The following CLMP variants were observed in gnomAD, a reference collection of about 807,000 sequenced individuals.
The protein encoded by CLMP is CXADR like cell adhesion molecule, also known as CXADR-like membrane protein.
A neutral mutation model predicts 45.2 loss-of-function variants in CLMP; 27 were observed. That is an observed-to-expected ratio of 0.60 (90% CI 0.44 to 0.82). The LOEUF is 0.82. CLMP is among the 40% of genes least tolerant of loss of function. The probability of loss-of-function intolerance (pLI) is 0.00; values close to 1 mark genes in which losing one functional copy is unlikely to be tolerated. For missense variants in CLMP, 403 were observed against 448.4 expected (o/e 0.90, Z 0.91); for synonymous variants, 167 against 171.4 (o/e 0.97, Z 0.20).
intron 5 of CLMP, among the ~76,000 whole-genome samples, chr11:123,075,161 T>A (rs1049284396): frequency 6.6e-6 from 1 of 151,310 alleles, no homozygotes; most frequent in Non-Finnish European, 1.5e-5. Flanking sequence ...TCTATGTTGG[T>A]CAGGCTGGTC....
chr11:123,190,103 G>C (rs1344673301), intron 1 of CLMP, among the ~76,000 whole-genome samples: 1 of 151,956 alleles, frequency 6.6e-6, no homozygotes, highest in Non-Finnish European at 1.5e-5. Flanking sequence ...GCTTGAGGCT[G>C]TTCTGTAGGT....
intron 1 of CLMP, among the ~76,000 whole-genome samples, chr11:123,131,745 A>G (rs1296454865): frequency 6.6e-6 from 1 of 151,866 alleles, no homozygotes; most frequent in Non-Finnish European, 1.5e-5. Context: ...CCTCCCGAGT[A>G]GCTGGGATTA....
At chr11:123,082,860 C>CAG (rs1865821953) in intron 5 of CLMP, among the ~76,000 whole-genome samples, 2 of 151,524 alleles carry the variant, frequency 1.3e-5, no homozygotes, top group East Asian at 3.9e-4. Context: ...GCCCACCTGG[C>CAG]CCTCCCAAAG....
At chr11:123,170,653 C>T (rs950510545) in intron 1 of CLMP, among the ~76,000 whole-genome samples, 5 of 152,118 alleles carry the variant, frequency 3.3e-5, no homozygotes, top group African/African-American at 1.2e-4. Flanking sequence ...GTTGGCCAAG[C>T]TGGTCTCGAA....
At chr11:123,182,467 G>C (rs1380006555) in intron 1 of CLMP, among the ~76,000 whole-genome samples, 3 of 152,176 alleles carry the variant, frequency 2.0e-5, no homozygotes, top group Non-Finnish European at 2.9e-5. Flanking sequence ...GTGAAAATGA[G>C]ACCTAGATTC....
chr11:123,134,976 T>C (rs1861049534), intron 1 of CLMP, among the ~76,000 whole-genome samples: 3 of 151,760 alleles, frequency 2.0e-5, no homozygotes, highest in South Asian at 4.2e-4. Flanking sequence ...AACAACAAAA[T>C]AGGCCAGGTG....
chr11:123,074,560 G>A, intron 6 of CLMP, 142 bp downstream of exon 6: 1 of 807,206 alleles, frequency 1.2e-6, no homozygotes, highest in East Asian at 2.4e-5. Flanking sequence ...TCTGTCCCTA[G>A]GCTGGAACTT....
chr11:123,093,198 G>A (rs888819316), intron 2 of CLMP, among the ~76,000 whole-genome samples: 5 of 151,994 alleles, frequency 3.3e-5, no homozygotes, highest in Middle Eastern at 3.2e-3. Flanking sequence ...GAACCACCAC[G>A]CCCGGCCATC....
intron 2 of CLMP, among the ~76,000 whole-genome samples, chr11:123,089,782 AAAAAAAAAAAAG>A (rs1341604894): frequency 3.7e-5 from 5 of 135,792 alleles, no homozygotes; most frequent in Admixed American, 1.5e-4. Flanking sequence ...ATCTCAAAAA[AAAAAAAAAAAAG>A]AAAAAGAAAA....
intron 1 of CLMP, among the ~76,000 whole-genome samples, chr11:123,172,435 G>A (rs1861648130): frequency 1.2e-5 from 1 of 84,426 alleles, no homozygotes; most frequent in African/African-American, 6.8e-5. Flanking sequence ...CTTATTTTGA[G>A]ATGTTAATTT....
In CLMP at chr11:123,171,729, C is replaced by T. The variant is rs527820042; in HGVS notation, c.28+23184G>A. Among the ~76,000 whole-genome samples, 5 of 152,210 alleles carry T rather than the reference C, an allele frequency of 3.3e-5. No individual in the cohort carries two copies. In the East Asian group the frequency reaches 7.7e-4, roughly 24 times the overall value. ...AAAGTGCTGGGATTGCAGGCATGAG[C>T]CACCGCGCTCGGCCTGTTGGAAGAC... On this transcript the variant is annotated intron_variant, in intron 1 of 6. Transcript: ENST00000448775.
At chr11:123,158,931 A>G (rs1861449920) in intron 1 of CLMP, among the ~76,000 whole-genome samples, 2 of 152,366 alleles carry the variant, frequency 1.3e-5, no homozygotes, top group South Asian at 4.1e-4. Flanking sequence ...AGTGAATATT[A>G]TCTATGACCA....
chr11:123,096,615 T>G (rs1865992695), intron 2 of CLMP, among the ~76,000 whole-genome samples: 1 of 152,160 alleles, frequency 6.6e-6, no homozygotes, highest in Non-Finnish European at 1.5e-5. Flanking sequence ...TGTTGCTGTA[T>G]GAGAACAAAA....
At chr11:123,164,936 T>C (rs1476190029) in intron 1 of CLMP, among the ~76,000 whole-genome samples, 3 of 152,198 alleles carry the variant, frequency 2.0e-5, no homozygotes, top group Non-Finnish European at 4.4e-5. Flanking sequence ...TATAACATAA[T>C]CAAGTATATT....
At position 123,194,998 on chromosome 11, in the gene CLMP, CG is replaced by C; in HGVS notation, c.-59del. On this transcript the variant is annotated 5_prime_UTR_variant, in exon 1 of 7. It removes the in-frame stop codon of an upstream open reading frame in the 5' UTR. Transcript: ENST00000448775. Reference sequence around the variant, plus strand: ...AGCTGCTGCTTGGCTCCGGGGCGGCCGGGCGCCTCCGACGGACCTCGGGCGA... The same window carrying C: ...AGCTGCTGCTTGGCTCCGGGGCGGCCGGCGCCTCCGACGGACCTCGGGCGA... The C allele has an allele frequency of 6.4e-7, 1 of 1,569,648 alleles. No homozygotes were observed. The highest frequency in any genetic ancestry group is 8.6e-7 in the Non-Finnish European group (1 of 1,156,392).
intron 2 of CLMP, among the ~76,000 whole-genome samples, chr11:123,096,428 G>A (rs1211063320): frequency 6.6e-6 from 1 of 152,172 alleles, no homozygotes; most frequent in Non-Finnish European, 1.5e-5. Flanking sequence ...AGAGGCTGAA[G>A]CGGGAGAATC....
intron 1 of CLMP, among the ~76,000 whole-genome samples, chr11:123,124,087 T>C (rs1251457454): frequency 4.6e-5 from 7 of 152,226 alleles, no homozygotes; most frequent in South Asian, 2.1e-4. Flanking sequence ...GTAAATATTA[T>C]TGGAATTGGC....
At chr11:123,091,275 T>A (rs1374714283) in intron 2 of CLMP, among the ~76,000 whole-genome samples, 1 of 152,122 alleles carries the variant, frequency 6.6e-6, no homozygotes, top group East Asian at 1.9e-4. Flanking sequence ...CAGCTAATTT[T>A]TGTAGTTTTA....
chr11:123,085,539 A>C (rs1865854603), intron 2 of CLMP, among the ~76,000 whole-genome samples: 1 of 144,166 alleles, frequency 6.9e-6, no homozygotes, highest in African/African-American at 2.6e-5. Flanking sequence ...ATGAGCCACC[A>C]CGCCTGGCCT....
Sources: allele counts gnomAD v4.1 joint callset (sites outside exome capture counted in the v4.1 genomes callset), GRCh38; gene constraint gnomAD v4.1.1; transcripts MANE v1.5; gene names NCBI Gene and HGNC (gene_info 2026-07-23, HGNC 2026-07-21).